CTNND2: variants seen among roughly 807,000 people sequenced by gnomAD.
CTNND2 encodes the protein catenin delta-2.
In CTNND2, 22 loss-of-function variants were observed where a neutral mutation model predicts 144.4. The observed-to-expected ratio is 0.15, with a 90% CI of 0.11 to 0.22. The LOEUF is 0.22. CTNND2 is among the 10% of genes least tolerant of loss of function. The pLI is 1.00. For synonymous variants in CTNND2, 751 were observed against 695.6 expected, an observed-to-expected ratio of 1.08 and a Z score of -1.25; for missense variants, 1,353 against 1,618.8, an observed-to-expected ratio of 0.84 and a Z score of 2.82.
intron 3 of CTNND2, among the ~76,000 whole-genome samples, chr5:11,429,007 A>T (rs1763035943): frequency 6.6e-6 from 1 of 152,198 alleles, no homozygotes; most frequent in Non-Finnish European, 1.5e-5. Context: ...CTAAATTTAC[A>T]TATGGCCTTC....
intron 2 of CTNND2, among the ~76,000 whole-genome samples, chr5:11,728,270 A>G (rs1787132507): frequency 2.0e-5 from 3 of 151,968 alleles, no homozygotes; most frequent in African/African-American, 7.2e-5. Flanking sequence ...CAGGAGTTTG[A>G]GACCAGCTCG....
rs961861756 is a variant in CTNND2 at position 11,732,292 on chromosome 5, G to A, written c.38-20C>T. The A allele has an allele frequency of 5.0e-6, 8 of 1,608,496 alleles. No individual in the cohort carries two copies. The Admixed American group carries it at 1.2e-4, about 24-fold the overall frequency. ...TAGCTCCTGCAAGGCAAGAGGACAT[G>A]ATCAATACAATCAGATGTTGACACT... On this transcript the variant is annotated intron_variant, in intron 1 of 21. Coordinates refer to ENST00000304623, the MANE Select transcript of CTNND2 (RefSeq NM_001332.4).
chr5:11,866,300 C>T (rs183444410), intron 1 of CTNND2, among the ~76,000 whole-genome samples: 3 of 152,218 alleles, frequency 2.0e-5, no homozygotes, highest in Admixed American at 6.5e-5. Flanking sequence ...CAGACGTTGT[C>T]TCTAAAAAAA....
At chr5:11,850,990 A>C (rs989045283) in intron 1 of CTNND2, among the ~76,000 whole-genome samples, 1 of 152,204 alleles carries the variant, frequency 6.6e-6, no homozygotes. Flanking sequence ...ACCAGCCATC[A>C]TGTTGTGGGC....
chr5:11,902,798 A>C (rs1379025028), intron 1 of CTNND2, among the ~76,000 whole-genome samples: 1 of 152,116 alleles, frequency 6.6e-6, no homozygotes, highest in African/African-American at 2.4e-5. Flanking sequence ...AGAAAAAAAA[A>C]CACCTTGGAA....
At chr5:11,320,209 C>G (rs530513849) in intron 9 of CTNND2, among the ~76,000 whole-genome samples, 2 of 152,192 alleles carry the variant, frequency 1.3e-5, no homozygotes, top group East Asian at 3.8e-4. Context: ...TTGTGTAACT[C>G]TCTTTTTTCT....
intron 2 of CTNND2, among the ~76,000 whole-genome samples, chr5:11,690,824 T>C (rs949118634): frequency 2.0e-5 from 3 of 150,518 alleles, no homozygotes; most frequent in Non-Finnish European, 4.4e-5. Context: ...AAAAACTTGA[T>C]TGCTTATAAT....
rs550152255 is a variant in CTNND2 at position 11,451,005 on chromosome 5, G to C, written c.288-38936C>G. 6.6e-5 allele frequency among the ~76,000 whole-genome samples: 10 copies of C among 150,892 alleles called. No individual in the cohort carries two copies. In the South Asian group the frequency reaches 2.1e-3, roughly 32 times the overall value. The stretch of plus-strand genomic sequence containing the variant: ...TATGTTCAATCATTTATCAATTATA[G>C]AGTGAATTTGGTTTAGGCAACCTCT... On this transcript the variant is annotated intron_variant, in intron 3 of 21. Coordinates refer to ENST00000304623, the MANE Select transcript of CTNND2 (RefSeq NM_001332.4).
At chr5:11,270,633 A>T (rs1745902467) in intron 9 of CTNND2, among the ~76,000 whole-genome samples, 1 of 152,214 alleles carries the variant, frequency 6.6e-6, no homozygotes, top group African/African-American at 2.4e-5. Context: ...AACACATGGT[A>T]CCATGAGAAG....
At chr5:11,503,981 TA>T (rs1372444219) in intron 3 of CTNND2, among the ~76,000 whole-genome samples, 1 of 152,248 alleles carries the variant, frequency 6.6e-6, no homozygotes, top group African/African-American at 2.4e-5. Flanking sequence ...TGAAATATAT[TA>T]AATCAGCATT....
intron 3 of CTNND2, among the ~76,000 whole-genome samples, chr5:11,541,073 G>C (rs1774687186): frequency 6.6e-6 from 1 of 152,140 alleles, no homozygotes; most frequent in South Asian, 2.1e-4. Context: ...ACAGGCAATG[G>C]ATGCCATCAA....
intron 2 of CTNND2, among the ~76,000 whole-genome samples, chr5:11,674,254 G>A (rs548046507): frequency 6.6e-6 from 1 of 152,290 alleles, no homozygotes; most frequent in South Asian, 2.1e-4. Context: ...AAGGTTAAAA[G>A]ACAGTATATG....
At chr5:11,378,170 C>T (rs7702488) in intron 7 of CTNND2, among the ~76,000 whole-genome samples, 11,458 of 152,152 alleles carry the variant, frequency 0.075, 849 homozygotes, top group African/African-American at 0.17. Flanking sequence ...CAGGAAATGG[C>T]TGGTGTGTGG....
chr5:11,788,727 G>A (rs939254868), intron 1 of CTNND2, among the ~76,000 whole-genome samples: 1 of 151,928 alleles, frequency 6.6e-6, no homozygotes, highest in African/African-American at 2.4e-5. Flanking sequence ...TGTGCGCAAT[G>A]TGCAGGTTTG....
At chr5:11,413,034 T>C (rs746017108) in intron 3 of CTNND2, among the ~76,000 whole-genome samples, 3 of 152,156 alleles carry the variant, frequency 2.0e-5, no homozygotes, top group Non-Finnish European at 4.4e-5. Flanking sequence ...AGAAAGGCCA[T>C]GACTGGCGTA....
intron 12 of CTNND2, among the ~76,000 whole-genome samples, chr5:11,153,097 CTACTAAAAA>C (rs1757897340): frequency 4.6e-5 from 7 of 152,080 alleles, no homozygotes; most frequent in Admixed American, 4.6e-4. Context: ...AACCCCATCT[CTACTAAAAA>C]TACAAAAATT....
chr5:11,258,628 C>T lies in CTNND2; in HGVS notation c.1629-21805G>A, dbSNP rs1019053530. On this transcript the variant is annotated intron_variant, in intron 9 of 21. Coordinates refer to ENST00000304623, the MANE Select transcript of CTNND2 (RefSeq NM_001332.4). The stretch of plus-strand genomic sequence containing the variant: ...TTTGCACAGAAAAGGATTATGTGTG[C>T]GTTTTTTTCAATGTGGCAGGTTATG... 3.9e-5 allele frequency among the ~76,000 whole-genome samples: 6 copies of T among 152,146 alleles called. No individual in the cohort carries two copies. In the East Asian group the frequency reaches 9.7e-4, roughly 25 times the overall value.
chr5:11,678,728 A>C (rs1784291905), intron 2 of CTNND2, among the ~76,000 whole-genome samples: 1 of 152,180 alleles, frequency 6.6e-6, no homozygotes, highest in Admixed American at 6.5e-5. Context: ...AAGAGTAACA[A>C]ACCTTATTTT....
chr5:11,416,030 C>A (rs1761907624), intron 3 of CTNND2, among the ~76,000 whole-genome samples: 1 of 151,998 alleles, frequency 6.6e-6, no homozygotes, highest in Non-Finnish European at 1.5e-5. Flanking sequence ...GCTGTCTGAT[C>A]CTGAAGAATA....
Sources: gnomAD v4.1 joint callset for allele counts (sites outside exome capture counted in the v4.1 genomes callset) on GRCh38, gnomAD v4.1.1 for gene constraint, MANE v1.5 for transcripts, NCBI Gene and HGNC (gene_info 2026-07-23, HGNC 2026-07-21) for gene names.